GRM7: variants seen among roughly 807,000 people sequenced by gnomAD.
GRM7 encodes glutamate metabotropic receptor 7, also known as metabotropic glutamate receptor 7.
In GRM7, 35 loss-of-function variants were observed where a neutral mutation model predicts 84.5. That is an observed-to-expected ratio of 0.41 (90% CI 0.32 to 0.55). GRM7 has a LOEUF of 0.55. Among genes scored for constraint, GRM7 ranks in the 20% least tolerant of loss-of-function variants. The pLI is 0.19. For synonymous variants in GRM7, 487 were observed against 455.1 expected (o/e 1.07, Z -0.89); for missense variants, 1,003 against 1,194.6 (o/e 0.84, Z 2.36).
At chr3:7,322,127 C>T (rs977114603) in intron 4 of GRM7, among the ~76,000 whole-genome samples, 3 of 151,916 alleles carry the variant, frequency 2.0e-5, no homozygotes, top group Non-Finnish European at 2.9e-5. Flanking sequence ...TGTTGGATAC[C>T]TACATGGAGA....
intron 1 of GRM7, among the ~76,000 whole-genome samples, chr3:7,117,288 T>A (rs1052921362): frequency 5.3e-5 from 8 of 152,136 alleles, no homozygotes; most frequent in Admixed American, 2.0e-4. Context: ...AGATACCCAA[T>A]CTTTTTCCTT....
At chr3:7,033,250 A>G (rs1313547753) in intron 1 of GRM7, among the ~76,000 whole-genome samples, 4 of 152,156 alleles carry the variant, frequency 2.6e-5, no homozygotes, top group Admixed American at 2.0e-4. Context: ...TTAATCTAGT[A>G]TAACCTCATC....
intron 1 of GRM7, among the ~76,000 whole-genome samples, chr3:7,070,046 G>T (rs530502831): frequency 2.0e-5 from 3 of 152,186 alleles, no homozygotes; most frequent in African/African-American, 4.8e-5. Context: ...TGGAGGAAGA[G>T]AATTCATCCT....
intron 7 of GRM7, among the ~76,000 whole-genome samples, chr3:7,473,491 AGAG>A (rs1698791930): frequency 2.0e-5 from 1 of 51,026 alleles, no homozygotes; most frequent in Admixed American, 1.7e-4. Flanking sequence ...AACGAGAGGG[AGAG>A]AGAGAGAGAG....
intron 9 of GRM7, chr3:7,694,253 G>GT (rs1361272468): frequency 6.5e-6 from 1 of 154,690 alleles, no homozygotes; most frequent in Admixed American, 6.5e-5. Flanking sequence ...ATAAATAAAG[G>GT]TAAAGGGCTT....
chr3:7,071,700 T>C (rs752767281), intron 1 of GRM7, among the ~76,000 whole-genome samples: 2 of 152,176 alleles, frequency 1.3e-5, no homozygotes, highest in Non-Finnish European at 2.9e-5. Flanking sequence ...AAACATTTAT[T>C]GATTTGGAGT....
chr3:7,501,770 A>G lies in GRM7; in HGVS notation c.1515+40048A>G, dbSNP rs146455036. Among the ~76,000 whole-genome samples, 1,351 of 152,344 alleles carry G rather than the reference A, an allele frequency of 8.9e-3. 20 individuals carry two copies. The highest frequency in any genetic ancestry group is 0.031 in the African/African-American group (1,275 of 41,576). ...CTATTTGAACAGCTTTTGCAATTACAGATTGATACAAGGCACTATGTTCAA... is the reference window on the plus strand; with the variant it reads ...CTATTTGAACAGCTTTTGCAATTACGGATTGATACAAGGCACTATGTTCAA... On this transcript the variant is annotated intron_variant, in intron 7 of 9. Transcript: ENST00000357716.
intron 9 of GRM7, among the ~76,000 whole-genome samples, chr3:7,717,568 A>T (rs1176484389): frequency 6.6e-6 from 1 of 152,152 alleles, no homozygotes; most frequent in African/African-American, 2.4e-5. Flanking sequence ...CTAAACGGAA[A>T]CCTGGATTCA....
intron 1 of GRM7, among the ~76,000 whole-genome samples, chr3:7,128,930 C>A (rs965981347): frequency 6.6e-6 from 1 of 152,040 alleles, no homozygotes; most frequent in African/African-American, 2.4e-5. Flanking sequence ...TGCTTTTAAG[C>A]TGAAGTTGGG....
chr3:7,660,563 A>T (rs560551687), intron 8 of GRM7, among the ~76,000 whole-genome samples: 143 of 152,358 alleles, frequency 9.4e-4, no homozygotes, highest in Middle Eastern at 6.8e-3. Flanking sequence ...AATATTGTTA[A>T]GATATCAATT....
rs147743510 is a variant in GRM7, at chr3:6,984,859, G to A, written c.519+122952G>A. Among the ~76,000 whole-genome samples, 463 of 152,288 alleles carry A rather than the reference G, an allele frequency of 3.0e-3. 3 individuals are homozygous for A. The highest frequency in any genetic ancestry group is 0.011 in the African/African-American group (437 of 41,570). The stretch of plus-strand genomic sequence containing the variant: ...AATAAAGCTTTTTCCCATTGGAACT[G>A]AGAGAGGAGGCTGCTGACTTAATGT... On this transcript the variant is annotated intron_variant, in intron 1 of 9. Coordinates refer to ENST00000357716, the MANE Select transcript of GRM7 (RefSeq NM_000844.4).
chr3:7,209,863 AG>A (rs1696363123), intron 2 of GRM7, among the ~76,000 whole-genome samples: 1 of 152,128 alleles, frequency 6.6e-6, no homozygotes, highest in South Asian at 2.1e-4. Flanking sequence ...TTTTTACATG[AG>A]GATAAAGGAT....
intron 1 of GRM7, among the ~76,000 whole-genome samples, chr3:7,133,710 A>G (rs1337892447): frequency 6.6e-6 from 1 of 152,056 alleles, no homozygotes; most frequent in Admixed American, 6.5e-5. Context: ...TAAAAATCTT[A>G]CTCTGTTTAG....
chr3:7,393,807 G>A (rs1695098488), intron 4 of GRM7, among the ~76,000 whole-genome samples: 2 of 152,120 alleles, frequency 1.3e-5, no homozygotes, highest in South Asian at 4.1e-4. Context: ...TAGGAAACTG[G>A]TAAGTGTATC....
At chr3:7,395,481 T>C (rs1418137934) in intron 4 of GRM7, among the ~76,000 whole-genome samples, 2 of 152,198 alleles carry the variant, frequency 1.3e-5, no homozygotes, top group East Asian at 3.8e-4. Context: ...TATTGTTATA[T>C]AATAATATGG....
intron 8 of GRM7, among the ~76,000 whole-genome samples, chr3:7,602,735 G>A (rs1368242874): frequency 6.6e-6 from 1 of 152,116 alleles, no homozygotes; most frequent in Non-Finnish European, 1.5e-5. Context: ...TTACCTTTTT[G>A]GAAGTTAGAA....
intron 2 of GRM7, among the ~76,000 whole-genome samples, chr3:7,161,868 T>C (rs901488302): frequency 3.3e-5 from 5 of 152,190 alleles, no homozygotes; most frequent in African/African-American, 9.7e-5. Context: ...AAAAACGATG[T>C]CCTTTTATTT....
At chr3:7,226,522 T>C (rs188072723) in intron 2 of GRM7, among the ~76,000 whole-genome samples, 6 of 152,246 alleles carry the variant, frequency 3.9e-5, no homozygotes. Flanking sequence ...GAGTTCTGTA[T>C]AAAATAACAC....
intron 9 of GRM7, among the ~76,000 whole-genome samples, chr3:7,732,654 T>G (rs181824130): frequency 6.6e-6 from 1 of 152,320 alleles, no homozygotes; most frequent in Admixed American, 6.5e-5. Flanking sequence ...TAAAGGCTTT[T>G]TATGAGAACG....
Sources: gnomAD v4.1 joint callset for allele counts (sites outside exome capture counted in the v4.1 genomes callset) on GRCh38, gnomAD v4.1.1 for gene constraint, MANE v1.5 for transcripts, NCBI Gene and HGNC (gene_info 2026-07-23, HGNC 2026-07-21) for gene names.